FUT8: variants seen among roughly 807,000 people sequenced by gnomAD.
FUT8 encodes the protein fucosyltransferase 8, also known as alpha-(1,6)-fucosyltransferase.
A neutral mutation model predicts 71.3 loss-of-function variants in FUT8; 29 were observed. The observed-to-expected ratio is 0.41, with a 90% CI of 0.30 to 0.55. FUT8 has a LOEUF of 0.55. Among genes scored for constraint, FUT8 ranks in the 20% least tolerant of loss-of-function variants. FUT8 has a pLI of 0.34. For missense variants in FUT8, 544 were observed against 702.1 expected, an observed-to-expected ratio of 0.77 and a Z score of 2.55; for synonymous variants, 254 against 239.3, an observed-to-expected ratio of 1.06 and a Z score of -0.57.
intron 1 of FUT8, among the ~76,000 whole-genome samples, chr14:65,426,900 C>T (rs923531778): frequency 6.6e-6 from 1 of 152,052 alleles, no homozygotes; most frequent in African/African-American, 2.4e-5. Context: ...TCTTTGTCGC[C>T]CAGGCTGGAG....
rs1354271474 is a variant in FUT8, at chr14:65,603,311, C to G, written c.204-12667C>G. Reference sequence around the variant, plus strand: ...AAGTATTTGGGTTTTTTTCTGGGTTCTCTATTCTGTTCAGTTGGTCTTTGT... The same window carrying G: ...AAGTATTTGGGTTTTTTTCTGGGTTGTCTATTCTGTTCAGTTGGTCTTTGT... On this transcript the variant is annotated intron_variant, in intron 3 of 10. Transcript: ENST00000673929. This position sits in a 1 kb window ranked among gnomAD's most constrained non-coding sequence, Gnocchi z 4.5. Among the ~76,000 whole-genome samples the G allele has an allele frequency of 1.3e-5, 2 of 151,452 alleles. No homozygotes were observed. Among genetic ancestry groups the G allele is most frequent in the Non-Finnish European group, 2.9e-5 (2 of 67,816 alleles).
At chr14:65,446,901 T>C (rs1015109254) in intron 1 of FUT8, among the ~76,000 whole-genome samples, 3 of 152,026 alleles carry the variant, frequency 2.0e-5, no homozygotes, top group Admixed American at 1.3e-4. Flanking sequence ...ACTCCTGTGC[T>C]CAAGCAATCC....
At position 65,644,908 on chromosome 14, in the gene FUT8, G is replaced by C. The variant is rs539990965; in HGVS notation, c.597+15302G>C. Among the ~76,000 whole-genome samples the C allele has an allele frequency of 3.3e-5, 5 of 152,248 alleles. No individual in the cohort carries two copies. The South Asian group carries it at 1.0e-3, about 32-fold the overall frequency. ...TCTGTAAAGCACACACAGCTTTCTT[G>C]CCCTTAGGGACACTGGACAGCACTT... On this transcript the variant is annotated intron_variant, in intron 6 of 10. Transcript: ENST00000673929.
chr14:65,728,551 A>G (rs976730188), intron 9 of FUT8, among the ~76,000 whole-genome samples: 2 of 152,320 alleles, frequency 1.3e-5, no homozygotes, highest in East Asian at 1.9e-4. Context: ...ATTATCCTCA[A>G]TCCCATTTAT....
intron 7 of FUT8, among the ~76,000 whole-genome samples, chr14:65,696,549 G>GTTGT (rs1193322779): frequency 6.6e-6 from 1 of 151,886 alleles, no homozygotes; most frequent in African/African-American, 2.4e-5. Flanking sequence ...GTTTTTTGTT[G>GTTGT]TTGTTTGTTT....
At chr14:65,596,844 G>A (rs554696174) in intron 3 of FUT8, among the ~76,000 whole-genome samples, 1 of 152,196 alleles carries the variant, frequency 6.6e-6, no homozygotes, top group South Asian at 2.1e-4. Flanking sequence ...ACTGTGATAT[G>A]TAGAATTTTC....
chr14:65,387,646 A>T, the FUT8 span, among the ~76,000 whole-genome samples: 1 of 152,162 alleles, frequency 6.6e-6, no homozygotes, highest in South Asian at 2.1e-4. Context: ...TTCAATTCAG[A>T]ATATCTGCCA....
chr14:65,406,771 C>T (rs2065090385), upstream of FUT8, among the ~76,000 whole-genome samples: 1 of 152,200 alleles, frequency 6.6e-6, no homozygotes, highest in Non-Finnish European at 1.5e-5. Flanking sequence ...CTCCTGTCCT[C>T]AAGTAATCTG....
chr14:65,641,389 A>G (rs982024911), intron 6 of FUT8, among the ~76,000 whole-genome samples: 2 of 152,190 alleles, frequency 1.3e-5, no homozygotes, highest in Non-Finnish European at 2.9e-5. Context: ...TTATATGGTT[A>G]TGCCAAAATT....
intron 7 of FUT8, among the ~76,000 whole-genome samples, chr14:65,717,058 C>A (rs1437396625): frequency 8.5e-6 from 1 of 117,274 alleles, no homozygotes; most frequent in Non-Finnish European, 1.8e-5. Flanking sequence ...GAGGTGCTCC[C>A]CACTTCCCAG....
At chr14:65,439,956 A>G (rs10134882) in intron 1 of FUT8, among the ~76,000 whole-genome samples, 6,187 of 30,126 alleles carry the variant, frequency 0.21, 480 homozygotes, top group African/African-American at 0.34. Context: ...GTGTGTGTGT[A>G]TATATATATA....
rs17246091 is a variant in FUT8, at chr14:65,449,486, A to G, written c.-325-6135A>G. On this transcript the variant is annotated intron_variant, in intron 1 of 10. Transcript: ENST00000673929. Reference sequence around the variant, plus strand: ...CGTTGATATACTGGAGTCACTTAGAATATCAATATCAACACTACAGAGAAA... The same window carrying G: ...CGTTGATATACTGGAGTCACTTAGAGTATCAATATCAACACTACAGAGAAA... Among the ~76,000 whole-genome samples, 789 of 152,318 alleles carry G rather than the reference A, an allele frequency of 5.2e-3. 19 individuals are homozygous for G. In the East Asian group the frequency reaches 0.08, roughly 15 times the overall value.
chr14:65,522,872 T>G (rs9972252), intron 2 of FUT8, among the ~76,000 whole-genome samples: 4,958 of 152,274 alleles, frequency 0.033, 286 homozygotes, highest in African/African-American at 0.11. Context: ...GGTTTCCAGC[T>G]TCATCCACAT....
At chr14:65,620,554 A>G (rs1291035119) in intron 5 of FUT8, among the ~76,000 whole-genome samples, 2 of 152,198 alleles carry the variant, frequency 1.3e-5, no homozygotes, top group African/African-American at 4.8e-5. Context: ...TTGTTGCCCA[A>G]TAGCTTGTAT....
intron 6 of FUT8, among the ~76,000 whole-genome samples, chr14:65,640,128 A>G (rs1431500684): frequency 6.6e-6 from 1 of 152,122 alleles, no homozygotes. Flanking sequence ...ACTTGAAATA[A>G]AGAAATAAAG....
chr14:65,555,050 A>G (rs1885515601), intron 2 of FUT8, among the ~76,000 whole-genome samples: 2 of 152,164 alleles, frequency 1.3e-5, no homozygotes, highest in Admixed American at 1.3e-4. Flanking sequence ...TTTATGAGCC[A>G]AATCTGGTCC....
chr14:65,394,123 A>AT, the FUT8 span, among the ~76,000 whole-genome samples: 1 of 151,950 alleles, frequency 6.6e-6, no homozygotes, highest in Non-Finnish European at 1.5e-5. Flanking sequence ...TGCCTGGCTA[A>AT]TTTTTTTGTA....
rs748345661 is a variant in FUT8, at chr14:65,423,971, G to A, written c.-326+10757G>A. On this transcript the variant is annotated intron_variant, in intron 1 of 10. Transcript: ENST00000673929. The stretch of plus-strand genomic sequence containing the variant: ...GGATTCATTTATTTTGAAGTAGCAC[G>A]CAACTGCAGCTGCAGACCTCAATCT... Among the ~76,000 whole-genome samples, 13 of 152,080 alleles carry A rather than the reference G, an allele frequency of 8.5e-5. No homozygotes were observed. The South Asian group carries it at 1.7e-3, about 19-fold the overall frequency.
chr14:65,655,697 TTTAATATCCCTCTTTCAATAATTGA>T (rs1891645581), intron 6 of FUT8, among the ~76,000 whole-genome samples: 1 of 152,134 alleles, frequency 6.6e-6, no homozygotes, highest in Non-Finnish European at 1.5e-5. Context: ...AGTTGGAGAC[TTTAATATCCCTCTTTCAATAATTGA>T]TGGAAGCATT....
Sources: gnomAD v4.1 joint callset for allele counts (sites outside exome capture counted in the v4.1 genomes callset) on GRCh38, gnomAD v4.1.1 for gene constraint, Gnocchi (gnomAD v3.1) non-coding constraint, MANE v1.5 for transcripts, NCBI Gene and HGNC (gene_info 2026-07-23, HGNC 2026-07-21) for gene names.